Variants in NAAA observed in about 807,000 individuals in gnomAD.
NAAA encodes N-acylethanolamine acid amidase, also known as N-acylethanolamine-hydrolyzing acid amidase.
Under a neutral mutation model 44.8 loss-of-function variants are expected in NAAA, and 39 were observed. The observed-to-expected ratio is 0.87, with a 90% CI of 0.67 to 1.14. The LOEUF is 1.14. Ranked by LOEUF, NAAA falls within the 50% of genes most tolerant of loss-of-function variation. The probability of loss-of-function intolerance (pLI) is 0.00; values close to 1 mark genes in which losing one functional copy is unlikely to be tolerated. For synonymous variants in NAAA, 178 were observed against 191.3 expected, an observed-to-expected ratio of 0.93 and a Z score of 0.58; for missense variants, 460 against 467.8, an observed-to-expected ratio of 0.98 and a Z score of 0.15.
chr4:75,917,214 T>C (rs1193928197), intron 9 of NAAA: 1 of 414,774 alleles, frequency 2.4e-6, no homozygotes, highest in African/African-American at 2.2e-5. Flanking sequence ...CAATAGTGCA[T>C]TGGAGCTAGC....
chr4:75,940,141 G>A lies in NAAA; in HGVS notation c.231C>T (p.His77=). 6.2e-7 allele frequency: 1 copy of A among 1,614,050 alleles called. No homozygotes were observed. The highest frequency in any genetic ancestry group is 8.5e-7 in the Non-Finnish European group (1 of 1,180,028). ...VIGDRVPKWV[H]VLIGKVVLEL... ...CCAGGACCACTTTTCCGATTAACAC[G>A]TGCACCCACTTGGGGACTCTGTCCC... The change falls in exon 2 of 11, where the codon CAC becomes CAT. Residue 77 remains histidine (H), a synonymous_variant. Transcript: ENST00000286733.
At chr4:75,919,352 ATTCT>A (rs1476463843) in intron 8 of NAAA, 1 of 153,126 alleles carries the variant, frequency 6.5e-6, no homozygotes, top group East Asian at 1.9e-4. Flanking sequence ...TGACTTTTTA[ATTCT>A]TTCTCTTTTT....
chr4:75,929,689 G>T (rs368033539), intron 4 of NAAA, among the ~76,000 whole-genome samples: 8 of 152,170 alleles, frequency 5.3e-5, no homozygotes, highest in Admixed American at 5.2e-4. Flanking sequence ...TGACATATGA[G>T]AAAATGTGGA....
At chr4:75,926,713 AT>A (rs1323411202) in intron 4 of NAAA, among the ~76,000 whole-genome samples, 1 of 152,144 alleles carries the variant, frequency 6.6e-6, no homozygotes, top group African/African-American at 2.4e-5. Flanking sequence ...CAATTTAAAA[AT>A]GGGCAAAGGG....
At chr4:75,938,354 T>C (rs1013142232) in intron 2 of NAAA, among the ~76,000 whole-genome samples, 2 of 152,218 alleles carry the variant, frequency 1.3e-5, no homozygotes, top group Non-Finnish European at 2.9e-5. Flanking sequence ...TGTTTGAATA[T>C]GGTGACTCCA....
At position 75,940,955 on chromosome 4, in the gene NAAA, G is replaced by C. The variant is rs1023615633; in HGVS notation, c.-6C>G. ...TCCCGGTCCGCGGTCCGCATGGCTC[G>C]GGCTCCAGCGGCCGCAACTTGGAGA... On this transcript the variant is annotated 5_prime_UTR_variant, in exon 1 of 11. Transcript: ENST00000286733. 1.4e-6 allele frequency: 2 copies of C among 1,471,358 alleles called. No homozygotes were observed. Among genetic ancestry groups the C allele is most frequent in the Non-Finnish European group, 1.8e-6 (2 of 1,121,100 alleles). The allele number at this position is 1,471,358 out of a possible 1,614,324, so 91.1% of individuals were successfully genotyped here. A position where few individuals can be genotyped will look rare whatever the true frequency, so the allele number is the denominator to read the frequency against.
At chr4:75,927,314 A>G (rs1417033457) in intron 4 of NAAA, among the ~76,000 whole-genome samples, 1 of 151,880 alleles carries the variant, frequency 6.6e-6, no homozygotes, top group Non-Finnish European at 1.5e-5. Flanking sequence ...GCATGATGGC[A>G]CATGCCTGTA....
At chr4:75,930,940 G>A (rs949955219) in intron 4 of NAAA, among the ~76,000 whole-genome samples, 17 of 151,770 alleles carry the variant, frequency 1.1e-4, no homozygotes, top group African/African-American at 4.1e-4. Flanking sequence ...CGGATCACAT[G>A]GGTCAGGCCT....
rs773126051 is a variant in NAAA at position 75,940,707 on chromosome 4, G to GGTGTCCCCGCAGACCCC, written c.206+20_206+36dup. The GGTGTCCCCGCAGACCCC allele has an allele frequency of 5.1e-6, 8 of 1,572,420 alleles. No homozygotes were observed. The South Asian group carries it at 9.1e-5, about 18-fold the overall frequency. On this transcript the variant is annotated intron_variant, in intron 1 of 10. Transcript: ENST00000286733. ...GCGTTTGACTCCGACCCGCAGGGCC[G>GGTGTCCCCGCAGACCCC]GTGTCCCCGCAGACCCCGTCCAGGG... is the stretch of plus-strand genomic sequence containing the variant.
chr4:75,918,144 C>A (rs186109553), intron 9 of NAAA, among the ~76,000 whole-genome samples: 21 of 152,208 alleles, frequency 1.4e-4, no homozygotes, highest in Middle Eastern at 3.4e-3. Context: ...TATGGAAGGC[C>A]AAGTTTGAAT....
rs1725558116 is a variant in NAAA at position 75,915,565 on chromosome 4, G to A, written c.999-580C>T. Among the ~76,000 whole-genome samples, 3 of 152,094 alleles carry A rather than the reference G, an allele frequency of 2.0e-5. No individual in the cohort carries two copies. In the South Asian group the frequency reaches 6.2e-4, roughly 32 times the overall value. On this transcript the variant is annotated intron_variant, in intron 9 of 10. Transcript: ENST00000286733. ...CACCATCAGGAGAATATCACCCAGG[G>A]AAGAGGAAAACACAAACCCTGGAAG...
rs529384092 is a variant in NAAA, at chr4:75,936,415, T to A, written c.372-180A>T. ...AACAATTCAAGATGAAAAACACAAC[T>A]GGATACAACTCATCTGTGTTCATTC... On this transcript the variant is annotated intron_variant, in intron 2 of 10. Transcript: ENST00000286733. Among the ~76,000 whole-genome samples the A allele has an allele frequency of 1.3e-4, 20 of 152,316 alleles. No homozygotes were observed. The South Asian group carries it at 3.9e-3, about 30-fold the overall frequency.
chr4:75,939,457 C>T (rs1728030074), intron 2 of NAAA, among the ~76,000 whole-genome samples: 1 of 150,450 alleles, frequency 6.6e-6, no homozygotes, highest in Non-Finnish European at 1.5e-5. Context: ...GCACTGTCGC[C>T]AGGGCTGGTG....
intron 2 of NAAA, chr4:75,939,680 G>T (rs1157786678): frequency 2.2e-5 from 6 of 267,984 alleles, no homozygotes; most frequent in Non-Finnish European, 4.5e-5. Context: ...CTCCCAAAGT[G>T]CTGGGATTAC....
chr4:75,940,239 C>CG lies in NAAA; in HGVS notation c.207-75dup, dbSNP rs1209718171. 5.9e-5 allele frequency: 89 copies of CG among 1,506,424 alleles called. 1 individual carries two copies. Among genetic ancestry groups the CG allele is most frequent in the South Asian group, 2.1e-4 (17 of 82,512 alleles). The allele number at this position is 1,506,424 out of a possible 1,614,324, so 93.3% of individuals were successfully genotyped here. A position where few individuals can be genotyped will look rare whatever the true frequency, so the allele number is the denominator to read the frequency against. ...CGTGCGACTGCGTGTGCACTGCGAGCGGGGCTACATCCTTAGGGCGTGAGG... is the reference window on the plus strand; with the variant it reads ...CGTGCGACTGCGTGTGCACTGCGAGCGGGGGCTACATCCTTAGGGCGTGAGG... On this transcript the variant is annotated intron_variant, in intron 1 of 10. Coordinates refer to ENST00000286733, the MANE Select transcript of NAAA (RefSeq NM_014435.4).
intron 1 of NAAA, 58 bp from the exon 2 acceptor site, chr4:75,940,223 G>C (rs1487957454): frequency 7.1e-5 from 111 of 1,566,734 alleles, no homozygotes; most frequent in Non-Finnish European, 9.6e-5. Flanking sequence ...GCGTGCGACT[G>C]CGTGTGCACT....
In NAAA at chr4:75,920,741, C is replaced by T. The variant is rs185227220; in HGVS notation, c.899G>A (p.Arg300Gln). The T allele has an allele frequency of 5.0e-5, 80 of 1,614,206 alleles. 1 individual carries two copies. The highest frequency in any genetic ancestry group is 4.9e-4 in the Middle Eastern group (3 of 6,062). ...CAGAAAGCACGTAGCAGCCTACCTC[C>T]GGTCATCTTCCTTGGGTGCTGGCTT... The part of the protein sequence containing the change: ...HWKPAPKEDD[R>Q]RTSAIKALNA... Residue 300 changes from arginine (R) to glutamine (Q), a missense_variant, in exon 7 of 11, where the codon CGG (arginine) becomes CAG (glutamine). Arg to Gln is a conservative substitution (Grantham distance 43, BLOSUM62 1). Transcript: ENST00000286733.
chr4:75,918,195 T>G (rs1337226462), intron 9 of NAAA, among the ~76,000 whole-genome samples: 1 of 152,210 alleles, frequency 6.6e-6, no homozygotes, highest in African/African-American at 2.4e-5. Flanking sequence ...GGCTCACTCC[T>G]GTAATCCCAG....
downstream of NAAA, chr4:75,911,428 G>A (rs1324082157): frequency 4.3e-6 from 2 of 469,960 alleles, no homozygotes; most frequent in Admixed American, 2.3e-5. Context: ...GTCCTAGCAG[G>A]AGCATGGATG....
Sources: allele counts gnomAD v4.1 joint callset (sites outside exome capture counted in the v4.1 genomes callset), GRCh38; gene constraint gnomAD v4.1.1; transcripts MANE v1.5; gene names NCBI Gene and HGNC (gene_info 2026-07-23, HGNC 2026-07-21).